DLG2: variants seen among roughly 807,000 people sequenced by gnomAD.
The protein encoded by DLG2 is discs large MAGUK scaffold protein 2.
Under a neutral mutation model 132.5 loss-of-function variants are expected in DLG2, and 45 were observed. The observed-to-expected ratio is 0.34, with a 90% CI of 0.27 to 0.44. DLG2 has a LOEUF of 0.44. Among genes scored for constraint, DLG2 ranks in the 20% least tolerant of loss-of-function variants. The probability of loss-of-function intolerance (pLI) is 1.00; values close to 1 mark genes in which losing one functional copy is unlikely to be tolerated. For missense variants in DLG2, 1,045 were observed against 1,196.9 expected (o/e 0.87, Z 1.87); for synonymous variants, 424 against 419.6 (o/e 1.01, Z -0.13).
In DLG2 at chr11:84,653,743, A is replaced by G. The variant is rs114115540; in HGVS notation, c.358-119012T>C. 4.2e-3 allele frequency among the ~76,000 whole-genome samples: 637 copies of G among 152,248 alleles called. 1 individual carries two copies. Among genetic ancestry groups the G allele is most frequent in the African/African-American group, 0.015 (610 of 41,532 alleles). On this transcript the variant is annotated intron_variant, in intron 6 of 27. Transcript: ENST00000376104. ...ATGGGATATTACAGCAAATATTTCC[A>G]CCTGGGTCTCAGGAAAATGTCTCCT... is the stretch of plus-strand genomic sequence containing the variant.
At chr11:84,756,457 GA>G (rs1014898946) in intron 6 of DLG2, among the ~76,000 whole-genome samples, 3 of 152,182 alleles carry the variant, frequency 2.0e-5, no homozygotes, top group Admixed American at 1.3e-4. Flanking sequence ...GGAGAAAAGA[GA>G]AAAACTGTAA....
chr11:84,641,342 C>A (rs1489876971), intron 6 of DLG2, among the ~76,000 whole-genome samples: 3 of 152,180 alleles, frequency 2.0e-5, no homozygotes, highest in African/African-American at 7.2e-5. Context: ...AATTGCCTAA[C>A]CCATAGTAAG....
At chr11:84,117,204 C>T (rs2093675645) in intron 9 of DLG2, among the ~76,000 whole-genome samples, 1 of 152,188 alleles carries the variant, frequency 6.6e-6, no homozygotes, top group Non-Finnish European at 1.5e-5. Flanking sequence ...TATACCTTTC[C>T]TAAAGCAATT....
intron 6 of DLG2, among the ~76,000 whole-genome samples, chr11:84,621,950 T>C (rs1295363081): frequency 2.0e-5 from 3 of 152,174 alleles, no homozygotes; most frequent in Non-Finnish European, 4.4e-5. Flanking sequence ...AAATAGAAAG[T>C]TGCTTGTTGA....
chr11:85,487,342 A>G (rs1299468334), intron 3 of DLG2, among the ~76,000 whole-genome samples: 1 of 151,852 alleles, frequency 6.6e-6, no homozygotes, highest in Non-Finnish European at 1.5e-5. Context: ...ACAAAATCCC[A>G]GATCAAGAAT....
intron 6 of DLG2, among the ~76,000 whole-genome samples, chr11:84,995,838 TAC>T (rs781311720): frequency 6.6e-5 from 10 of 152,186 alleles, no homozygotes; most frequent in Admixed American, 2.6e-4. Context: ...TCGTTAGCAA[TAC>T]AGACTATTCT....
chr11:84,750,606 T>C (rs1228507381), intron 6 of DLG2, among the ~76,000 whole-genome samples: 3 of 152,182 alleles, frequency 2.0e-5, no homozygotes, highest in Non-Finnish European at 4.4e-5. Flanking sequence ...TACTCTTATG[T>C]TCATGACATA....
intron 11 of DLG2, among the ~76,000 whole-genome samples, chr11:84,015,576 C>G (rs1456586989): frequency 6.6e-6 from 1 of 152,080 alleles, no homozygotes; most frequent in Non-Finnish European, 1.5e-5. Context: ...TCTTGTTTCC[C>G]CCCATGTGTC....
At chr11:84,069,447 G>A (rs1387604160) in intron 10 of DLG2, among the ~76,000 whole-genome samples, 1 of 152,112 alleles carries the variant, frequency 6.6e-6, no homozygotes, top group African/African-American at 2.4e-5. Context: ...CTGTGGACAT[G>A]CAAACCATTT....
At chr11:84,688,147 T>G (rs1444065609) in intron 6 of DLG2, among the ~76,000 whole-genome samples, 1 of 152,090 alleles carries the variant, frequency 6.6e-6, no homozygotes, top group African/African-American at 2.4e-5. Flanking sequence ...CATGAAACAT[T>G]ATAAAGCATA....
intron 6 of DLG2, among the ~76,000 whole-genome samples, chr11:84,801,338 G>A (rs771607574): frequency 3.0e-4 from 45 of 152,150 alleles, no homozygotes; most frequent in Non-Finnish European, 7.3e-5. Context: ...TTGAGGCCGA[G>A]GCGGGCGGAT....
chr11:84,779,177 CAT>C lies in DLG2; in HGVS notation c.358-244448_358-244447del, dbSNP rs201894018. 2.7e-5 allele frequency among the ~76,000 whole-genome samples: 4 copies of C among 148,760 alleles called. No homozygotes were observed. In the East Asian group the frequency reaches 5.8e-4, roughly 22 times the overall value. ...ATTCTCCTTAATAAATTCCCTTTCT[CAT>C]ATATATATATGTGCGCACACACACA... On this transcript the variant is annotated intron_variant, in intron 6 of 27. Transcript: ENST00000376104.
intron 6 of DLG2, among the ~76,000 whole-genome samples, chr11:85,004,856 T>C (rs894070734): frequency 2.0e-5 from 3 of 152,214 alleles, no homozygotes; most frequent in African/African-American, 7.2e-5. Flanking sequence ...TTTATGGTTT[T>C]AGGTCTTAGG....
chr11:85,556,610 A>C (rs2076954334), intron 3 of DLG2, among the ~76,000 whole-genome samples: 1 of 151,892 alleles, frequency 6.6e-6, no homozygotes. Context: ...TTTTTATATA[A>C]CTAATTTACT....
rs1191305120 is a variant in DLG2 at position 83,455,720 on chromosome 11, A to G, written c.*4098T>C. The G allele has an allele frequency of 6.6e-6, 1 of 152,656 alleles. No individual in the cohort carries two copies. The highest frequency in any genetic ancestry group is 2.4e-5 in the African/African-American group (1 of 41,450). The allele number at this position is 152,656 out of a possible 1,614,324, so 9.5% of individuals were successfully genotyped here. On this transcript the variant is annotated 3_prime_UTR_variant, in exon 28 of 28. Transcript: ENST00000376104. ...TTCATACTCAATGTAACGTGTGTAC[A>G]TGGTATACATACCATATATACCATA...
At chr11:85,561,222 G>T (rs1229429134) in intron 3 of DLG2, among the ~76,000 whole-genome samples, 2 of 147,922 alleles carry the variant, frequency 1.4e-5, no homozygotes, top group African/African-American at 4.9e-5. Context: ...GATTAGCCAG[G>T]CATGGTGGTT....
intron 3 of DLG2, among the ~76,000 whole-genome samples, chr11:85,313,207 T>G (rs1001873254): frequency 2.0e-5 from 3 of 151,980 alleles, no homozygotes; most frequent in African/African-American, 7.2e-5. Flanking sequence ...CTCTTTTGGC[T>G]AGCTAGAATG....
intron 8 of DLG2, among the ~76,000 whole-genome samples, chr11:84,165,662 G>A (rs977198414): frequency 1.3e-5 from 2 of 152,104 alleles, no homozygotes; most frequent in Admixed American, 6.5e-5. Flanking sequence ...CACTTTGGGA[G>A]GCTGATGCAG....
chr11:85,539,545 G>T (rs2075823652), intron 3 of DLG2, among the ~76,000 whole-genome samples: 1 of 152,078 alleles, frequency 6.6e-6, no homozygotes, highest in Admixed American at 6.6e-5. Context: ...TTCTTTTTGG[G>T]ATTATGGAAA....
Sources: allele counts gnomAD v4.1 joint callset (sites outside exome capture counted in the v4.1 genomes callset), GRCh38; gene constraint gnomAD v4.1.1; transcripts MANE v1.5; gene names NCBI Gene and HGNC (gene_info 2026-07-23, HGNC 2026-07-21).